The following AP2B1 variants were observed in gnomAD, a reference collection of about 807,000 sequenced individuals.
AP2B1 encodes the protein AP-2 complex subunit beta.
A neutral mutation model predicts 102.0 loss-of-function variants in AP2B1; 23 were observed. The observed-to-expected ratio is 0.23, with a 90% CI of 0.16 to 0.32. The LOEUF (loss-of-function observed/expected upper bound fraction) is 0.32, where lower values mean the gene tolerates loss of function less well. Ranked by LOEUF, AP2B1 falls within the 10% of genes least tolerant of loss-of-function variation. The probability of loss-of-function intolerance (pLI) is 1.00; values close to 1 mark genes in which losing one functional copy is unlikely to be tolerated. For missense variants in AP2B1, 541 were observed against 1,157.4 expected (o/e 0.47, Z 7.73); for synonymous variants, 381 against 421.2 (o/e 0.90, Z 1.17).
At chr17:35,625,778 ATTTTC>A (rs2074298126) in intron 6 of AP2B1, among the ~76,000 whole-genome samples, 1 of 152,050 alleles carries the variant, frequency 6.6e-6, no homozygotes, top group Admixed American at 6.6e-5. Flanking sequence ...GAGGGGTTGT[ATTTTC>A]TTTTTAAAGG....
Position 35,710,385 on chromosome 17 carries a change from A to G in AP2B1, c.2626+65A>G, listed in dbSNP as rs190893335. 5.0e-6 allele frequency: 6 copies of G among 1,193,768 alleles called. No individual in the cohort carries two copies. In the East Asian group the frequency reaches 1.5e-4, roughly 30 times the overall value. The allele number at this position is 1,193,768 out of a possible 1,614,324, so 73.9% of individuals were successfully genotyped here. A position where few individuals can be genotyped will look rare whatever the true frequency, so the allele number is the denominator to read the frequency against. On this transcript the variant is annotated intron_variant, in intron 20 of 21. Transcript: ENST00000610402. ...ATCAAATTAGATATTTGAAATTTTAATCTTTCTTTTGCCTACCCTTTTATC... is the reference window on the plus strand; with the variant it reads ...ATCAAATTAGATATTTGAAATTTTAGTCTTTCTTTTGCCTACCCTTTTATC...
chr17:35,719,168 A>G (rs782391032), intron 21 of AP2B1, among the ~76,000 whole-genome samples: 7 of 152,154 alleles, frequency 4.6e-5, no homozygotes, highest in Non-Finnish European at 7.3e-5. Flanking sequence ...CCCATACTAC[A>G]TTTTCAAAAC....
chr17:35,660,302 G>C (rs990900598), intron 14 of AP2B1, among the ~76,000 whole-genome samples: 1 of 151,920 alleles, frequency 6.6e-6, no homozygotes, highest in Non-Finnish European at 1.5e-5. Flanking sequence ...TGATTTAGTT[G>C]GTCTGGAGTG....
At chr17:35,599,348 GA>G (rs1001848332) in intron 3 of AP2B1, among the ~76,000 whole-genome samples, 1 of 152,068 alleles carries the variant, frequency 6.6e-6, no homozygotes, top group Non-Finnish European at 1.5e-5. Flanking sequence ...CACTTCAAGG[GA>G]AAAAAATTGA....
chr17:35,661,442 G>A (rs914877450), intron 14 of AP2B1, among the ~76,000 whole-genome samples: 8 of 152,166 alleles, frequency 5.3e-5, no homozygotes, highest in Non-Finnish European at 8.8e-5. Flanking sequence ...GACAGTGACC[G>A]CCACAGAAGA....
In AP2B1 at chr17:35,726,005, C is replaced by G. The variant is rs1358246504; in HGVS notation, c.*2306C>G. On this transcript the variant is annotated 3_prime_UTR_variant, in exon 22 of 22. Coordinates refer to ENST00000610402, the MANE Select transcript of AP2B1 (RefSeq NM_001030006.2). ...AATTCTACTTCCCATAAAAGGACCT[C>G]TCCTGAGAGGCAAAACCTGTTGCCT... 1 of 152,206 alleles carries G rather than the reference C, an allele frequency of 6.6e-6. No homozygotes were observed. The highest frequency in any genetic ancestry group is 2.4e-5 in the African/African-American group (1 of 41,442). 9.4% of individuals were successfully genotyped at this position (152,206 alleles called of 1,614,324 possible).
chr17:35,654,036 G>T (rs1243246330), intron 13 of AP2B1, among the ~76,000 whole-genome samples: 1 of 150,960 alleles, frequency 6.6e-6, no homozygotes. Flanking sequence ...GAAAACATTT[G>T]TTTTTTAATT....
At chr17:35,711,620 C>A (rs2076452257) in intron 20 of AP2B1, among the ~76,000 whole-genome samples, 1 of 152,240 alleles carries the variant, frequency 6.6e-6, no homozygotes, top group Admixed American at 6.5e-5. Flanking sequence ...AGGCGCCAGC[C>A]ACCACACCCG....
At chr17:35,655,846 G>C (rs1169034485) in intron 13 of AP2B1, among the ~76,000 whole-genome samples, 1 of 152,160 alleles carries the variant, frequency 6.6e-6, no homozygotes, top group African/African-American at 2.4e-5. Flanking sequence ...GTGTATAGTG[G>C]TGTCTTGTTA....
At chr17:35,703,046 G>A (rs1338598941) in intron 18 of AP2B1, among the ~76,000 whole-genome samples, 2 of 152,088 alleles carry the variant, frequency 1.3e-5, no homozygotes, top group African/African-American at 2.4e-5. Context: ...GCCGAGGCAG[G>A]TGGATCATGA....
intron 14 of AP2B1, among the ~76,000 whole-genome samples, chr17:35,659,157 G>A (rs2075303054): frequency 6.6e-6 from 1 of 152,072 alleles, no homozygotes; most frequent in Non-Finnish European, 1.5e-5. Context: ...AATGTTCATG[G>A]AGGCTCCTAA....
At chr17:35,716,687 T>C (rs115686960) in intron 20 of AP2B1, among the ~76,000 whole-genome samples, 28 of 152,304 alleles carry the variant, frequency 1.8e-4, no homozygotes, top group African/African-American at 6.5e-4. Context: ...CCCTTCCTGA[T>C]CCTGGCAGTT....
intron 21 of AP2B1, among the ~76,000 whole-genome samples, chr17:35,719,757 AGGC>A (rs2085300334): frequency 6.6e-6 from 1 of 152,222 alleles, no homozygotes; most frequent in Non-Finnish European, 1.5e-5. Flanking sequence ...ACACTTTGGA[AGGC>A]TGTAATGGGA....
At chr17:35,669,253 C>T (rs1459005188) in intron 14 of AP2B1, among the ~76,000 whole-genome samples, 1 of 151,846 alleles carries the variant, frequency 6.6e-6, no homozygotes, top group Non-Finnish European at 1.5e-5. Flanking sequence ...AAGGGATGCT[C>T]CTGCCTCAGT....
chr17:35,697,073 TG>T (rs2076154966), intron 18 of AP2B1, among the ~76,000 whole-genome samples: 1 of 152,256 alleles, frequency 6.6e-6, no homozygotes, highest in Non-Finnish European at 1.5e-5. Context: ...ACACAGCCTC[TG>T]CCTGTTGTTT....
intron 1 of AP2B1, among the ~76,000 whole-genome samples, chr17:35,588,968 G>C (rs1346106531): frequency 6.6e-6 from 1 of 152,186 alleles, no homozygotes; most frequent in Non-Finnish European, 1.5e-5. Flanking sequence ...AGCTGAGCAA[G>C]GAATATATTA....
intron 1 of AP2B1, among the ~76,000 whole-genome samples, chr17:35,591,171 CAAAAAAAA>C (rs35271211): frequency 4.4e-5 from 3 of 68,944 alleles, no homozygotes; most frequent in Non-Finnish European, 9.0e-5. Context: ...GATTTTGTCT[CAAAAAAAA>C]AAAAAAAAAA....
intron 18 of AP2B1, among the ~76,000 whole-genome samples, chr17:35,697,707 A>G (rs2076166906): frequency 6.6e-6 from 1 of 152,262 alleles, no homozygotes; most frequent in South Asian, 2.1e-4. Flanking sequence ...TCACGCCTGT[A>G]ATCCCAGCAC....
chr17:35,634,695 G>A (rs556955758), intron 9 of AP2B1, among the ~76,000 whole-genome samples: 90 of 152,160 alleles, frequency 5.9e-4, no homozygotes, highest in African/African-American at 2.0e-3. Context: ...GTAAATTGTC[G>A]AGTACTACAG....
Sources: allele counts gnomAD v4.1 joint callset (sites outside exome capture counted in the v4.1 genomes callset), GRCh38; gene constraint gnomAD v4.1.1; transcripts MANE v1.5; gene names NCBI Gene and HGNC (gene_info 2026-07-23, HGNC 2026-07-21).